Variants in CYP4X1 observed in about 807,000 individuals in gnomAD.
CYP4X1 encodes cytochrome P450 family 4 subfamily X member 1, also known as cytochrome P450 4X1.
CYP4X1 carries 44 observed loss-of-function variants against 57.9 expected under a neutral mutation model. The ratio of observed to expected loss-of-function variants is 0.76; its 90% CI spans 0.60 to 0.98. CYP4X1 has a LOEUF of 0.98. Among genes scored for constraint, CYP4X1 ranks in the 50% least tolerant of loss-of-function variants. The pLI is 0.00. For missense variants in CYP4X1, 532 were observed against 623.9 expected, an observed-to-expected ratio of 0.85 and a Z score of 1.57; for synonymous variants, 227 against 228.6, an observed-to-expected ratio of 0.99 and a Z score of 0.06.
the CYP4X1 span, among the ~76,000 whole-genome samples, chr1:47,010,443 C>A: frequency 6.6e-6 from 1 of 152,320 alleles, no homozygotes; most frequent in South Asian, 2.1e-4. Context: ...GACAAACCCA[C>A]AGCCAATATC....
At chr1:47,002,457 G>A in the CYP4X1 span, among the ~76,000 whole-genome samples, 19 of 152,210 alleles carry the variant, frequency 1.2e-4, no homozygotes, top group Non-Finnish European at 2.9e-5. Context: ...CTCATCCTGG[G>A]ATAAACCAAT....
At chr1:46,968,649 G>C in the CYP4X1 span, among the ~76,000 whole-genome samples, 3 of 152,144 alleles carry the variant, frequency 2.0e-5, no homozygotes, top group Non-Finnish European at 4.4e-5. Context: ...CAGTGCCTAG[G>C]ATAGCACCAT....
chr1:47,004,334 TC>T, the CYP4X1 span, among the ~76,000 whole-genome samples: 2 of 152,234 alleles, frequency 1.3e-5, no homozygotes, highest in Non-Finnish European at 2.9e-5. Flanking sequence ...CTAGACACCC[TC>T]CACCAGTAAC....
At chr1:46,987,948 G>A in the CYP4X1 span, among the ~76,000 whole-genome samples, 1 of 152,114 alleles carries the variant, frequency 6.6e-6, no homozygotes, top group South Asian at 2.1e-4. Flanking sequence ...ATCTAAAATT[G>A]ACACTCTAAC....
Position 47,050,488 on chromosome 1 carries a change from G to A in CYP4X1, c.*314G>A, listed in dbSNP as rs545577805. The A allele has an allele frequency of 5.5e-6, 1 of 180,978 alleles. No individual in the cohort carries two copies. The highest frequency in any genetic ancestry group is 1.5e-4 in the East Asian group (1 of 6,720). 11.2% of individuals were successfully genotyped at this position (180,978 alleles called of 1,614,324 possible). On this transcript the variant is annotated 3_prime_UTR_variant, in exon 12 of 12. Transcript: ENST00000371901. The stretch of plus-strand genomic sequence containing the variant: ...TTTCAGAATTATGCAAGTAATAAGT[G>A]CATGTATGCTCACTGTCAAAAATTC...
chr1:47,027,544 A>G (rs902543846), intron 1 of CYP4X1, among the ~76,000 whole-genome samples: 1 of 152,188 alleles, frequency 6.6e-6, no homozygotes, highest in Non-Finnish European at 1.5e-5. Flanking sequence ...TCAATACATT[A>G]TTGTTAACAG....
the CYP4X1 span, among the ~76,000 whole-genome samples, chr1:47,017,177 T>C: frequency 6.6e-6 from 1 of 152,244 alleles, no homozygotes; most frequent in Non-Finnish European, 1.5e-5. Flanking sequence ...AGTGCAGATA[T>C]CTCTTTGATA....
intron 2 of CYP4X1, 50 bp downstream of exon 2, chr1:47,030,181 G>T: frequency 6.4e-7 from 1 of 1,559,672 alleles, no homozygotes. Context: ...GAAGTGAAAT[G>T]CATAAAACCC....
At chr1:47,039,227 A>G (rs1644218422) in intron 7 of CYP4X1, 115 bp from the exon 8 acceptor site, 1 of 926,206 alleles carries the variant, frequency 1.1e-6, no homozygotes, top group South Asian at 2.0e-5. Context: ...ACTGAATTAA[A>G]ATTTAAACCC....
the CYP4X1 span, among the ~76,000 whole-genome samples, chr1:46,962,337 C>T: frequency 6.6e-6 from 1 of 152,088 alleles, no homozygotes; most frequent in African/African-American, 2.4e-5. Flanking sequence ...AGGCTGGTCT[C>T]AAACTCCTGA....
the CYP4X1 span, among the ~76,000 whole-genome samples, chr1:47,017,103 T>C: frequency 0.36 from 54,613 of 152,128 alleles, 10,540 homozygotes; most frequent in East Asian, 0.7. Flanking sequence ...CATTCATCTG[T>C]TGATGGACAC....
At chr1:47,022,694 G>T (rs879695185), upstream of CYP4X1, among the ~76,000 whole-genome samples, 2 of 152,174 alleles carry the variant, frequency 1.3e-5, no homozygotes, top group Admixed American at 1.3e-4. Context: ...AGGTGGGGGA[G>T]GGACAGTGAT....
At chr1:46,967,094 T>A in the CYP4X1 span, among the ~76,000 whole-genome samples, 1 of 152,248 alleles carries the variant, frequency 6.6e-6, no homozygotes, top group Non-Finnish European at 1.5e-5. Flanking sequence ...TTTGTGGTTG[T>A]AGTTAACATC....
rs151306999 is a variant in CYP4X1, at chr1:47,041,517, G to A, written c.1073+1985G>A. Reference sequence around the variant, plus strand: ...ATGTCTCATTATGGTTTTAATTTACGTTTCCCTGATGATTAGTGATGTTGA... The same window carrying A: ...ATGTCTCATTATGGTTTTAATTTACATTTCCCTGATGATTAGTGATGTTGA... On this transcript the variant is annotated intron_variant, in intron 8 of 11. Transcript: ENST00000371901. Among the ~76,000 whole-genome samples, 714 of 152,106 alleles carry A rather than the reference G, an allele frequency of 4.7e-3. 2 individuals are homozygous for A. The highest frequency in any genetic ancestry group is 7.8e-3 in the Non-Finnish European group (529 of 67,934).
At chr1:46,965,219 C>T in the CYP4X1 span, among the ~76,000 whole-genome samples, 6 of 152,106 alleles carry the variant, frequency 3.9e-5, no homozygotes, top group East Asian at 1.2e-3. Flanking sequence ...TGAATTGGCT[C>T]ATGCTCGGTG....
At chr1:46,972,341 G>A in the CYP4X1 span, among the ~76,000 whole-genome samples, 1 of 152,112 alleles carries the variant, frequency 6.6e-6, no homozygotes, top group African/African-American at 2.4e-5. Flanking sequence ...AGTTACTGTA[G>A]CTTTGCAGTA....
chr1:46,968,115 G>C, the CYP4X1 span, among the ~76,000 whole-genome samples: 1 of 152,138 alleles, frequency 6.6e-6, no homozygotes, highest in Non-Finnish European at 1.5e-5. Context: ...GGGCAGGGGA[G>C]TCAGAAGGGC....
At chr1:47,052,801 A>G (rs1274840941), downstream of CYP4X1, among the ~76,000 whole-genome samples, 2 of 152,146 alleles carry the variant, frequency 1.3e-5, no homozygotes, top group Non-Finnish European at 2.9e-5. Flanking sequence ...AAATAAATAA[A>G]TAAAAAATAA....
At chr1:46,985,044 A>T in the CYP4X1 span, among the ~76,000 whole-genome samples, 1 of 152,162 alleles carries the variant, frequency 6.6e-6, no homozygotes, top group Non-Finnish European at 1.5e-5. Context: ...GCCATTACTA[A>T]GGCTTGAGTA....
Sources: allele counts gnomAD v4.1 joint callset (sites outside exome capture counted in the v4.1 genomes callset), GRCh38; gene constraint gnomAD v4.1.1; transcripts MANE v1.5; gene names NCBI Gene and HGNC (gene_info 2026-07-23, HGNC 2026-07-21).